NRP2: variants seen among roughly 807,000 people sequenced by gnomAD.
The protein encoded by NRP2 is neuropilin-2.
A neutral mutation model predicts 110.4 loss-of-function variants in NRP2; 52 were observed. The ratio of observed to expected loss-of-function variants is 0.47; its 90% confidence interval spans 0.38 to 0.59. The LOEUF (loss-of-function observed/expected upper bound fraction) is 0.59. Ranked by LOEUF, NRP2 falls within the 20% of genes least tolerant of loss-of-function variation. NRP2 has a pLI of 0.00. For missense variants in NRP2, 1,049 were observed against 1,203.0 expected (o/e 0.87, Z 1.89); for synonymous variants, 508 against 468.9 (o/e 1.08, Z -1.08).
At chr2:205,785,550 A>C (rs1231852667) in intron 15 of NRP2, among the ~76,000 whole-genome samples, 1 of 152,192 alleles carries the variant, frequency 6.6e-6, no homozygotes. Context: ...AGAATAGCTG[A>C]TTTTTCAAAG....
intron 9 of NRP2, among the ~76,000 whole-genome samples, chr2:205,744,820 G>C (rs570740692): frequency 7.1e-4 from 108 of 152,324 alleles, no homozygotes; most frequent in African/African-American, 2.5e-3. Flanking sequence ...CTCAGGGCTT[G>C]GTAACTGGAA....
intron 15 of NRP2, among the ~76,000 whole-genome samples, chr2:205,774,218 C>T (rs571856970): frequency 3.9e-5 from 6 of 152,230 alleles, no homozygotes; most frequent in Non-Finnish European, 5.9e-5. Context: ...GACTTGCAAG[C>T]TGGCCACTTC....
chr2:205,749,772 G>C lies in NRP2; in HGVS notation c.1834G>C (p.Glu612Gln), dbSNP rs755981366. The change falls in exon 11 of 17, where the codon GAG (glutamate) becomes CAG (glutamine). Residue 612 changes from glutamate (E) to glutamine (Q), a missense_variant. Coordinates refer to ENST00000357785, the MANE Select transcript of NRP2 (RefSeq NM_003872.3). ...GCTGGGACCCACTGTGAAGAGCGAA[G>C]AGACAACCACCCCCTACCCCACCGA... ...ETLGPTVKSE[E>Q]TTTPYPTEEE... The C allele has an allele frequency of 6.2e-7, 1 of 1,614,192 alleles. No homozygotes were observed. Among genetic ancestry groups the C allele is most frequent in the South Asian group, 1.1e-5 (1 of 91,088 alleles).
chr2:205,766,672 A>C, intron 14 of NRP2, 111 bp from the exon 15 acceptor site: 1 of 1,021,580 alleles, frequency 9.8e-7, no homozygotes, highest in Admixed American at 1.7e-5. Flanking sequence ...GTGGTACAAA[A>C]AAACCGAGTG....
intron 16 of NRP2, among the ~76,000 whole-genome samples, chr2:205,792,595 G>A (rs867918659): frequency 2.9e-4 from 44 of 152,162 alleles, no homozygotes; most frequent in African/African-American, 9.2e-4. Flanking sequence ...TCCTCCATAC[G>A]TGTCATAGTC....
intron 2 of NRP2, among the ~76,000 whole-genome samples, chr2:205,705,183 GA>G (rs5837991): frequency 0.018 from 2,571 of 144,150 alleles, 73 homozygotes; most frequent in African/African-American, 0.061. Context: ...AATAATTCCA[GA>G]AAAAAAAAAA....
chr2:205,720,930 G>T (rs1199593056), intron 3 of NRP2, among the ~76,000 whole-genome samples: 1 of 152,218 alleles, frequency 6.6e-6, no homozygotes, highest in Non-Finnish European at 1.5e-5. Flanking sequence ...CCATGCAAAG[G>T]TTAGCCCTTG....
chr2:205,740,564 C>A lies in NRP2; in HGVS notation c.1192C>A (p.Leu398Ile), dbSNP rs756847742. Residue 398 changes from leucine (L) to isoleucine (I), a missense_variant, in exon 8 of 17, where the codon CTC becomes ATC. Physicochemically the swap from Leu to Ile is conservative, Grantham distance 5. Coordinates refer to ENST00000357785, the MANE Select transcript of NRP2 (RefSeq NM_003872.3). The stretch of plus-strand genomic sequence containing the variant: ...TGCAACTGAGGTGGTTCTGAACAAG[C>A]TCCACGCTCCACTGCTGACAAGGTT... ...NDATEVVLNK[L>I]HAPLLTRFVR... The A allele has an allele frequency of 4.3e-6, 7 of 1,614,230 alleles. No individual in the cohort carries two copies. The highest frequency in any genetic ancestry group is 5.1e-6 in the Non-Finnish European group (6 of 1,180,030).
rs1357398610 is a variant in NRP2 at position 205,794,907 on chromosome 2, C to T, written c.2630C>T (p.Thr877Ile). ...TCACTGGGCGTCCTCCTGGGGGCCA[C>T]CTGTGCAGGCCTCCTGCTCTACTGC... Reference protein sequence around the residue: ...MSSLGVLLGATCAGLLLYCTC... With the variant: ...MSSLGVLLGAICAGLLLYCTC... The change falls in exon 17 of 17, where the codon ACC becomes ATC. Residue 877 changes from threonine to isoleucine, a missense_variant. Thr to Ile is a moderately conservative substitution (Grantham distance 89). Coordinates refer to ENST00000357785, the MANE Select transcript of NRP2 (RefSeq NM_003872.3). The T allele has an allele frequency of 1.9e-6, 3 of 1,614,188 alleles. No homozygotes were observed. The highest frequency in any genetic ancestry group is 2.2e-5 in the East Asian group (1 of 44,888).
intron 7 of NRP2, among the ~76,000 whole-genome samples, chr2:205,735,302 A>AGCTGAAGAATAT (rs1221579100): frequency 6.6e-6 from 1 of 152,112 alleles, no homozygotes; most frequent in Non-Finnish European, 1.5e-5. Context: ...CAGCTATGTC[A>AGCTGAAGAATAT]GTCACTGCAT....
intron 5 of NRP2, among the ~76,000 whole-genome samples, chr2:205,724,897 C>A (rs1413593236): frequency 6.6e-6 from 1 of 152,028 alleles, no homozygotes; most frequent in African/African-American, 2.4e-5. Flanking sequence ...GAACTCCTGC[C>A]CTCAAGTGAT....
chr2:205,686,033 C>T lies in NRP2; in HGVS notation c.73+2670C>T, dbSNP rs1157265626. Among the ~76,000 whole-genome samples the T allele has an allele frequency of 6.6e-6, 1 of 152,114 alleles. No individual in the cohort carries two copies. The highest frequency in any genetic ancestry group is 1.5e-5 in the Non-Finnish European group (1 of 67,998). ...ATAGCCCCTCAGCTCTCCTCCTAGC[C>T]CTCCCTCCCCTTCCCCGCCCCCCAG... On this transcript the variant is annotated intron_variant, in intron 1 of 16. Coordinates refer to ENST00000357785, the MANE Select transcript of NRP2 (RefSeq NM_003872.3). This position sits in a 1 kb window ranked among gnomAD's most constrained non-coding sequence, Gnocchi z 4.7.
intron 3 of NRP2, among the ~76,000 whole-genome samples, chr2:205,720,057 T>C (rs1239865244): frequency 3.3e-5 from 5 of 152,202 alleles, no homozygotes; most frequent in Non-Finnish European, 7.3e-5. Context: ...CTGAGATCTC[T>C]TCCTGGCATC....
At chr2:205,775,535 C>G (rs1219914517) in intron 15 of NRP2, among the ~76,000 whole-genome samples, 1 of 152,184 alleles carries the variant, frequency 6.6e-6, no homozygotes, top group Non-Finnish European at 1.5e-5. Flanking sequence ...CCCTTCCAAT[C>G]TGCTTTTAAA....
At position 205,788,795 on chromosome 2, in the gene NRP2, A is replaced by G. The variant is rs574031264; in HGVS notation, c.2426-3440A>G. On this transcript the variant is annotated intron_variant, in intron 15 of 16. Transcript: ENST00000357785. ...TGGCATGGGTGAGTCTTCACTTCCC[A>G]ACCACCCTGAAGGGCCTTGATGGTA... 3.9e-5 allele frequency among the ~76,000 whole-genome samples: 6 copies of G among 152,260 alleles called. No homozygotes were observed. The East Asian group carries it at 1.2e-3, about 29-fold the overall frequency.
chr2:205,685,768 A>AG (rs1033321916), intron 1 of NRP2: 1 of 152,274 alleles, frequency 6.6e-6, no homozygotes, highest in Non-Finnish European at 1.5e-5. Flanking sequence ...GACGGCTTTG[A>AG]GTGGCGGGAG....
In NRP2 at chr2:205,740,617, C is replaced by T; in HGVS notation, c.1245C>T (p.His415=). 6.2e-7 allele frequency: 1 copy of T among 1,614,238 alleles called. No homozygotes were observed. Among genetic ancestry groups the T allele is most frequent in the Non-Finnish European group, 8.5e-7 (1 of 1,180,042 alleles). The change falls in exon 8 of 17, where the codon CAC becomes CAT. Residue 415 remains histidine (H), a synonymous_variant. Coordinates refer to ENST00000357785, the MANE Select transcript of NRP2 (RefSeq NM_003872.3). ...RFVRIRPQTW[H]SGIALRLELF... is the part of the protein sequence containing the mutation. Reference sequence around the variant, plus strand: ...TTAGAATCCGCCCTCAGACCTGGCACTCAGGTATCGCCCTCCGGCTGGAGC... The same window carrying T: ...TTAGAATCCGCCCTCAGACCTGGCATTCAGGTATCGCCCTCCGGCTGGAGC...
intron 3 of NRP2, among the ~76,000 whole-genome samples, chr2:205,716,654 G>A (rs1036245329): frequency 2.0e-5 from 3 of 152,116 alleles, no homozygotes; most frequent in African/African-American, 7.2e-5. Context: ...TGAAAGAATT[G>A]GATTTTTGTA....
intron 7 of NRP2, among the ~76,000 whole-genome samples, chr2:205,739,039 G>A (rs1043989053): frequency 7.9e-5 from 12 of 152,286 alleles, no homozygotes; most frequent in African/African-American, 2.9e-4. Flanking sequence ...AGAAAGGACT[G>A]TGTTGTCAAT....
Sources: allele counts gnomAD v4.1 joint callset (sites outside exome capture counted in the v4.1 genomes callset), GRCh38; gene constraint gnomAD v4.1.1; non-coding constraint Gnocchi (gnomAD v3.1); transcripts MANE v1.5; gene names NCBI Gene and HGNC (gene_info 2026-07-23, HGNC 2026-07-21).